The following POLI variants were observed in gnomAD, a reference collection of about 807,000 sequenced individuals.
The protein encoded by POLI is DNA polymerase iota.
In POLI, 58 loss-of-function variants were observed where a neutral mutation model predicts 51.6. That is an observed-to-expected ratio of 1.12 (90% CI 0.91 to 1.40). POLI has a LOEUF of 1.40. POLI is among the 40% of genes most tolerant of loss of function. The pLI, the probability that POLI is intolerant of heterozygous loss-of-function variation, is 0.00. For synonymous variants in POLI, 322 were observed against 299.7 expected (o/e 1.07, Z -0.77); for missense variants, 921 against 871.3 (o/e 1.06, Z -0.72).
intron 3 of POLI, among the ~76,000 whole-genome samples, chr18:54,308,334 C>T (rs1001987098): frequency 7.2e-5 from 11 of 152,156 alleles, no homozygotes; most frequent in Non-Finnish European, 1.3e-4. Context: ...TTCTCCTTCA[C>T]TTATGAAGCT....
intron 7 of POLI, chr18:54,284,692 G>T (rs2087667336): frequency 6.6e-6 from 1 of 152,384 alleles, no homozygotes; most frequent in Non-Finnish European, 1.5e-5. Flanking sequence ...TCGAAGGAAA[G>T]AATGGCTAGC....
intron 3 of POLI, among the ~76,000 whole-genome samples, chr18:54,315,708 C>A (rs2088726155): frequency 6.6e-6 from 1 of 151,836 alleles, no homozygotes; most frequent in African/African-American, 2.4e-5. Flanking sequence ...TTATATAATG[C>A]CCTTCTTTGT....
At chr18:54,311,153 A>T (rs2088664151) in intron 3 of POLI, 2 of 961,958 alleles carry the variant, frequency 2.1e-6, no homozygotes, top group Non-Finnish European at 2.5e-6. Context: ...TGAAATCTGG[A>T]AAGCTGGAGA....
Position 54,294,570 on chromosome 18 carries a change from C to T in POLI, c.*103C>T, listed in dbSNP as rs1035495038. 6.5e-6 allele frequency: 9 copies of T among 1,383,372 alleles called. No homozygotes were observed. Among genetic ancestry groups the T allele is most frequent in the African/African-American group, 4.4e-5 (3 of 68,722 alleles). The allele number at this position is 1,383,372 out of a possible 1,614,324, so 85.7% of individuals were successfully genotyped here. On this transcript the variant is annotated 3_prime_UTR_variant, in exon 10 of 10. Coordinates refer to ENST00000579534, the MANE Select transcript of POLI (RefSeq NM_007195.3). ...TTAAACACTAATAGATATTCAATAA[C>T]GGAGTAAACTGTTCCAGATAAAGCA...
chr18:54,292,061 A>C, intron 9 of POLI, 23 bp downstream of exon 9: 1 of 1,390,832 alleles, frequency 7.2e-7, no homozygotes, highest in Non-Finnish European at 1.0e-6. Context: ...TTTTTTGTTC[A>C]GTTTTCTAAG....
intron 3 of POLI, among the ~76,000 whole-genome samples, chr18:54,310,654 G>GT (rs1209831567): frequency 2.6e-5 from 4 of 151,806 alleles, no homozygotes; most frequent in Admixed American, 2.6e-4. Context: ...TTTCTAAGTT[G>GT]TATTTATTAT....
In POLI at chr18:54,293,691, G is replaced by A. The variant is rs771168096; in HGVS notation, c.1447G>A (p.Glu483Lys). Residue 483 changes from glutamate to lysine, a missense_variant, in exon 10 of 10, where the codon GAA becomes AAA. By Grantham distance (56) the Glu-to-Lys change is moderately conservative. Transcript: ENST00000579534. ...TATGGAAGATTTTCCCAAAGACAAA[G>A]AAACAAACCGGGATTTCCTACCAAG... The part of the protein sequence containing the change: ...THMEDFPKDK[E>K]TNRDFLPSGR... 3.1e-6 allele frequency: 5 copies of A among 1,592,898 alleles called. No homozygotes were observed. The highest frequency in any genetic ancestry group is 4.3e-6 in the Non-Finnish European group (5 of 1,172,268).
At chr18:54,285,153 A>T (rs1057163183) in intron 7 of POLI, among the ~76,000 whole-genome samples, 2 of 152,226 alleles carry the variant, frequency 1.3e-5, no homozygotes, top group African/African-American at 4.8e-5. Flanking sequence ...TGTTGGCTGC[A>T]TGCAGCTGGG....
Position 54,291,571 on chromosome 18 carries a change from T to C in POLI, c.1199-262T>C, listed in dbSNP as rs565109170. The stretch of plus-strand genomic sequence containing the variant: ...CAGATTTCCACCAAAATGATTGTTT[T>C]TGACAATGTTGTTCAGTTTTATAGT... On this transcript the variant is annotated intron_variant, in intron 8 of 9. Coordinates refer to ENST00000579534, the MANE Select transcript of POLI (RefSeq NM_007195.3). 4 of 239,302 alleles carry C rather than the reference T, an allele frequency of 1.7e-5. No homozygotes were observed. In the Admixed American group the frequency reaches 2.1e-4, roughly 13 times the overall value. The allele number at this position is 239,302 out of a possible 1,614,324, so 14.8% of individuals were successfully genotyped here. A position where few individuals can be genotyped will look rare whatever the true frequency, so the allele number is the denominator to read the frequency against.
At chr18:54,272,358 G>C (rs2087041328) in intron 2 of POLI, 1 of 152,206 alleles carries the variant, frequency 6.6e-6, no homozygotes, top group Non-Finnish European at 1.5e-5. Flanking sequence ...AAGATGTTCT[G>C]TAGATAATGC....
chr18:54,313,052 C>T (rs2088688907), intron 3 of POLI, among the ~76,000 whole-genome samples: 1 of 152,138 alleles, frequency 6.6e-6, no homozygotes, highest in South Asian at 2.1e-4. Context: ...TGGGTGTTTC[C>T]TAGATTTTCT....
chr18:54,301,075 C>T (rs376040112), downstream of POLI, among the ~76,000 whole-genome samples: 11 of 152,180 alleles, frequency 7.2e-5, no homozygotes, highest in Non-Finnish European at 1.3e-4. Flanking sequence ...GTCAGGAGTT[C>T]GAGACCAGCC....
chr18:54,295,961 T>C lies in POLI; in HGVS notation c.*1494T>C. 1 of 985,258 alleles carries C rather than the reference T, an allele frequency of 1.0e-6. No individual in the cohort carries two copies. The highest frequency in any genetic ancestry group is 1.7e-5 in the African/African-American group (1 of 57,340). 61.0% of individuals were successfully genotyped at this position (985,258 alleles called of 1,614,324 possible). A position where few individuals can be genotyped will look rare whatever the true frequency, so the allele number is the denominator to read the frequency against. ...AAATTTTAACTTAGTTTTGGATTCC[T>C]TGGAATTTGAAAATATGCTAACACG... On this transcript the variant is annotated 3_prime_UTR_variant, in exon 10 of 10. Coordinates refer to ENST00000579534, the MANE Select transcript of POLI (RefSeq NM_007195.3).
rs1286249523 is a variant in POLI at position 54,295,243 on chromosome 18, A to G, written c.*776A>G. 4 of 985,330 alleles carry G rather than the reference A, an allele frequency of 4.1e-6. No individual in the cohort carries two copies. The highest frequency in any genetic ancestry group is 4.8e-6 in the Non-Finnish European group (4 of 829,848). The allele number at this position is 985,330 out of a possible 1,614,324, so 61.0% of individuals were successfully genotyped here. ...GGAAGAAGTCCATTTCTTTCTAGCT[A>G]GTTTGAAGGGCCTAAAAGCACTGAG... On this transcript the variant is annotated 3_prime_UTR_variant, in exon 10 of 10. Coordinates refer to ENST00000579534, the MANE Select transcript of POLI (RefSeq NM_007195.3).
chr18:54,298,552 C>A (rs1348099385), downstream of POLI, among the ~76,000 whole-genome samples: 1 of 151,106 alleles, frequency 6.6e-6, no homozygotes, highest in Admixed American at 6.6e-5. Flanking sequence ...TGTCCAGGAA[C>A]CCTGAACGAA....
downstream of POLI, among the ~76,000 whole-genome samples, chr18:54,302,216 T>G (rs72929083): frequency 6.7e-3 from 1,021 of 152,278 alleles, 13 homozygotes; most frequent in Middle Eastern, 0.017. Flanking sequence ...TGTCTGTCTG[T>G]CTGGCTGGCT....
chr18:54,300,290 A>G (rs983897062), downstream of POLI, among the ~76,000 whole-genome samples: 10 of 152,170 alleles, frequency 6.6e-5, no homozygotes, highest in Non-Finnish European at 1.5e-4. Flanking sequence ...AAAATGTAAC[A>G]GTACAAAGGC....
chr18:54,292,140 G>A, intron 9 of POLI, 102 bp downstream of exon 9: 1 of 719,070 alleles, frequency 1.4e-6, no homozygotes, highest in Non-Finnish European at 2.3e-6. Flanking sequence ...ATAGTTTAGA[G>A]ATTCTTTTGG....
intron 7 of POLI, 38 bp downstream of exon 7, chr18:54,284,051 T>C (rs997245792): frequency 5.2e-6 from 4 of 774,278 alleles, no homozygotes; most frequent in Non-Finnish European, 6.6e-6. Context: ...ATCCTATGTA[T>C]TCATTCTATA....
Sources: gnomAD v4.1 joint callset for allele counts (sites outside exome capture counted in the v4.1 genomes callset) on GRCh38, gnomAD v4.1.1 for gene constraint, MANE v1.5 for transcripts, NCBI Gene and HGNC (gene_info 2026-07-23, HGNC 2026-07-21) for gene names.